The following MYO19 variants were observed in gnomAD, a reference collection of about 807,000 sequenced individuals.
MYO19 encodes the protein myosin XIX.
Under a neutral mutation model 129.2 loss-of-function variants are expected in MYO19, and 132 were observed. The ratio of observed to expected loss-of-function variants is 1.02; its 90% CI spans 0.89 to 1.18. The LOEUF (loss-of-function observed/expected upper bound fraction) is 1.18. Ranked by LOEUF, MYO19 falls within the 50% of genes most tolerant of loss-of-function variation. The pLI is 0.00. For synonymous variants in MYO19, 531 were observed against 477.2 expected (o/e 1.11, Z -1.47); for missense variants, 1,210 against 1,216.7 (o/e 0.99, Z 0.08).
chr17:36,507,613 A>G (rs2072007436), intron 15 of MYO19, 101 bp from the exon 16 acceptor site: 1 of 1,364,514 alleles, frequency 7.3e-7, no homozygotes, highest in Admixed American at 1.9e-5. Flanking sequence ...ATTCCAGAAC[A>G]GCATCAAAGA....
intron 6 of MYO19, among the ~76,000 whole-genome samples, chr17:36,521,397 A>G (rs2073122085): frequency 6.6e-6 from 1 of 152,232 alleles, no homozygotes; most frequent in Non-Finnish European, 1.5e-5. Flanking sequence ...TCGAAGTTCC[A>G]AAGAATTGGA....
chr17:36,517,650 T>C (rs1011581985), intron 6 of MYO19, among the ~76,000 whole-genome samples: 1 of 152,236 alleles, frequency 6.6e-6, no homozygotes, highest in Non-Finnish European at 1.5e-5. Flanking sequence ...TTCTTCTGCA[T>C]ACTTTGGGTT....
Position 36,515,992 on chromosome 17 carries a change from T to C in MYO19, c.415-2A>G. 1 of 1,608,148 alleles carries C rather than the reference T, an allele frequency of 6.2e-7. No individual in the cohort carries two copies. Among genetic ancestry groups the C allele is most frequent in the Non-Finnish European group, 8.5e-7 (1 of 1,176,994 alleles). On this transcript the variant is annotated splice_acceptor_variant, in intron 6 of 25. Coordinates refer to ENST00000614623, the MANE Select transcript of MYO19 (RefSeq NM_001163735.2). LOFTEE classifies it high-confidence loss of function. Reference sequence around the variant, plus strand: ...CATTAGGCAGCGAGACGTCCATGTCTGTGGCAGAAACAGCCCTGTGGGAGC... The same window carrying C: ...CATTAGGCAGCGAGACGTCCATGTCCGTGGCAGAAACAGCCCTGTGGGAGC...
At chr17:36,514,956 A>G (rs1036699732) in intron 8 of MYO19, among the ~76,000 whole-genome samples, 157 bp downstream of exon 8, 1 of 152,184 alleles carries the variant, frequency 6.6e-6, no homozygotes, top group Non-Finnish European at 1.5e-5. Flanking sequence ...CTCCAGGTGC[A>G]AAGATCACCC....
At chr17:36,543,145 G>A (rs2142636974) in exon 1 of MYO19, 1 of 151,868 alleles carries the variant, frequency 6.6e-6, no homozygotes, top group Non-Finnish European at 1.5e-5. Context: ...CTGCTAACAT[G>A]GCCAGAAGAC....
chr17:36,497,442 T>C (rs908744843), intron 25 of MYO19, among the ~76,000 whole-genome samples: 17 of 152,106 alleles, frequency 1.1e-4, no homozygotes, highest in African/African-American at 7.2e-5. Context: ...TCCAGTGCCA[T>C]TTGAGGTAAC....
intron 6 of MYO19, among the ~76,000 whole-genome samples, chr17:36,520,869 G>A (rs1567774916): frequency 6.6e-6 from 1 of 152,146 alleles, no homozygotes; most frequent in Non-Finnish European, 1.5e-5. Flanking sequence ...TTTCAATTGC[G>A]TGGGGAGTTG....
In MYO19 at chr17:36,505,423, G is replaced by T; in HGVS notation, c.1798-19C>A. ...GTGAGGCCTGCAGATGAGAGACCATGGGGTTAGGCAGGGAGAGGGGCTGCC... is the reference window on the plus strand; with the variant it reads ...GTGAGGCCTGCAGATGAGAGACCATTGGGTTAGGCAGGGAGAGGGGCTGCC... On this transcript the variant is annotated intron_variant, in intron 18 of 25. Transcript: ENST00000614623. 1 of 1,606,628 alleles carries T rather than the reference G, an allele frequency of 6.2e-7. No homozygotes were observed.
intron 3 of MYO19, 86 bp from the exon 4 acceptor site, chr17:36,528,288 C>T: frequency 7.1e-7 from 1 of 1,411,968 alleles, no homozygotes; most frequent in South Asian, 1.3e-5. Context: ...GCGGGCAGGA[C>T]ACAAAGTGAG....
intron 6 of MYO19, among the ~76,000 whole-genome samples, chr17:36,521,450 G>C (rs952347524): frequency 6.6e-6 from 1 of 152,100 alleles, no homozygotes; most frequent in Non-Finnish European, 1.5e-5. Flanking sequence ...AAAAAATAAA[G>C]AGAAAGGAGG....
upstream of MYO19, chr17:36,538,090 G>T (rs147971755): frequency 1.2e-4 from 190 of 1,614,154 alleles, no homozygotes; most frequent in Non-Finnish European, 1.6e-4. Flanking sequence ...CATAAGAACC[G>T]ATCACATATC....
At chr17:36,507,332 AATC>A (rs1395997455) in intron 16 of MYO19, 64 bp downstream of exon 16, 3 of 1,485,866 alleles carry the variant, frequency 2.0e-6, no homozygotes, top group East Asian at 4.5e-5. Context: ...GAAACAGGAT[AATC>A]ATCAAGGCCC....
rs750572521 is a variant in MYO19 at position 36,515,100 on chromosome 17, C to T, written c.617+13G>A. On this transcript the variant is annotated intron_variant, in intron 8 of 25. Transcript: ENST00000614623. ...CCCATCCTCCCACTAGCCAGGGCAACAGCAGCTATTACCTGTTCAGCTGGA... is the reference window on the plus strand; with the variant it reads ...CCCATCCTCCCACTAGCCAGGGCAATAGCAGCTATTACCTGTTCAGCTGGA... 5 of 1,599,520 alleles carry T rather than the reference C, an allele frequency of 3.1e-6. No individual in the cohort carries two copies. Among genetic ancestry groups the T allele is most frequent in the East Asian group, 2.2e-5 (1 of 44,492 alleles).
chr17:36,508,005 G>C (rs2072039928), intron 14 of MYO19, 81 bp from the exon 15 acceptor site: 1 of 1,458,358 alleles, frequency 6.9e-7, no homozygotes, highest in African/African-American at 1.4e-5. Context: ...AGGGTGGCTG[G>C]GCCCCTGCCA....
intron 3 of MYO19, among the ~76,000 whole-genome samples, chr17:36,528,877 A>T (rs941105514): frequency 1.3e-5 from 2 of 152,192 alleles, no homozygotes; most frequent in African/African-American, 4.8e-5. Context: ...TACTAGCCTT[A>T]TTAGAAATAA....
intron 16 of MYO19, 40 bp downstream of exon 16, chr17:36,507,359 G>A (rs767881281): frequency 5.0e-6 from 8 of 1,584,170 alleles, no homozygotes; most frequent in Middle Eastern, 1.8e-4. Flanking sequence ...AAAACCCAAA[G>A]GCCAACTCTG....
chr17:36,497,502 T>C (rs1481185444), intron 25 of MYO19: 1 of 982,392 alleles, frequency 1.0e-6, no homozygotes. Flanking sequence ...GATTATTTGC[T>C]CTCAAGTCTT....
chr17:36,496,941 C>T (rs756763688), intron 25 of MYO19, among the ~76,000 whole-genome samples: 8 of 152,168 alleles, frequency 5.3e-5, no homozygotes, highest in Non-Finnish European at 1.2e-4. Flanking sequence ...TCCTCGGCCA[C>T]TTTAATTCTA....
Position 36,508,967 on chromosome 17 carries a change from C to T in MYO19, c.1231+95G>A, listed in dbSNP as rs574041823. 3 of 1,069,608 alleles carry T rather than the reference C, an allele frequency of 2.8e-6. No individual in the cohort carries two copies. The Admixed American group carries it at 5.9e-5, about 21-fold the overall frequency. The allele number at this position is 1,069,608 out of a possible 1,614,324, so 66.3% of individuals were successfully genotyped here. A position where few individuals can be genotyped will look rare whatever the true frequency, so the allele number is the denominator to read the frequency against. On this transcript the variant is annotated intron_variant, in intron 14 of 25. Coordinates refer to ENST00000614623, the MANE Select transcript of MYO19 (RefSeq NM_001163735.2). ...AGACAAAAAAGGGAAAGGAACTGCC[C>T]AGAGTCACACAGTGGACCCAGGGCT... is the stretch of plus-strand genomic sequence containing the variant.
Sources: allele counts gnomAD v4.1 joint callset (sites outside exome capture counted in the v4.1 genomes callset), GRCh38; gene constraint gnomAD v4.1.1; transcripts MANE v1.5; gene names NCBI Gene and HGNC (gene_info 2026-07-23, HGNC 2026-07-21).